The following ASTN2 variants were observed in gnomAD, a reference collection of about 807,000 sequenced individuals.
The protein encoded by ASTN2 is astrotactin-2.
A neutral mutation model predicts 139.8 loss-of-function variants in ASTN2; 54 were observed. The ratio of observed to expected loss-of-function variants is 0.39; its 90% CI spans 0.31 to 0.48. ASTN2 has a LOEUF of 0.48. Among genes scored for constraint, ASTN2 ranks in the 20% least tolerant of loss-of-function variants. ASTN2 has a pLI of 0.95. For missense variants in ASTN2, 1,565 were observed against 1,725.1 expected (o/e 0.91, Z 1.64); for synonymous variants, 756 against 719.5 (o/e 1.05, Z -0.81).
At chr9:116,968,022 C>A (rs1422140369) in intron 10 of ASTN2, among the ~76,000 whole-genome samples, 1 of 152,218 alleles carries the variant, frequency 6.6e-6, no homozygotes, top group African/African-American at 2.4e-5. Context: ...TCTAAAACTT[C>A]TCATTCATTG....
chr9:116,509,205 G>T (rs1850251959), intron 19 of ASTN2, among the ~76,000 whole-genome samples: 1 of 152,056 alleles, frequency 6.6e-6, no homozygotes, highest in Non-Finnish European at 1.5e-5. Context: ...TCCCCATCCT[G>T]TGCCCAAGTG....
At chr9:117,048,626 G>T (rs1304309970) in intron 5 of ASTN2, among the ~76,000 whole-genome samples, 3 of 152,192 alleles carry the variant, frequency 2.0e-5, no homozygotes, top group Non-Finnish European at 4.4e-5. Flanking sequence ...TCACTACAAG[G>T]TGTTGACAAT....
At chr9:116,652,061 G>A (rs1345150987) in intron 16 of ASTN2, among the ~76,000 whole-genome samples, 1 of 151,986 alleles carries the variant, frequency 6.6e-6, no homozygotes, top group African/African-American at 2.4e-5. Flanking sequence ...TTGGGGCCAG[G>A]CACAATAATC....
intron 20 of ASTN2, among the ~76,000 whole-genome samples, chr9:116,473,857 G>A (rs909197933): frequency 5.3e-5 from 8 of 151,162 alleles, no homozygotes; most frequent in African/African-American, 1.9e-4. Flanking sequence ...GGCTGAGATC[G>A]CACCACTGCA....
intron 6 of ASTN2, among the ~76,000 whole-genome samples, chr9:117,016,667 ATGTTACATATATATAGGT>A (rs1483679117): frequency 3.8e-5 from 5 of 132,358 alleles, no homozygotes; most frequent in African/African-American, 1.5e-4. Flanking sequence ...ACCTATATAT[ATGTTACATATATATAGGT>A]TATATATATA....
chr9:117,298,800 G>C (rs947197382), intron 1 of ASTN2, among the ~76,000 whole-genome samples: 1 of 151,150 alleles, frequency 6.6e-6, no homozygotes, highest in Non-Finnish European at 1.5e-5. Context: ...GCAGGGACAT[G>C]TCAGAATTAT....
chr9:116,975,090 G>A, intron 10 of ASTN2, 118 bp downstream of exon 10: 1 of 1,077,398 alleles, frequency 9.3e-7, no homozygotes, highest in South Asian at 2.8e-5. Context: ...ATTTGACAGT[G>A]TTCTTCACAT....
intron 10 of ASTN2, among the ~76,000 whole-genome samples, chr9:116,889,841 G>A (rs1277685542): frequency 6.6e-6 from 1 of 151,994 alleles, no homozygotes; most frequent in East Asian, 1.9e-4. Context: ...TGGGGTAGGA[G>A]GATCACTTGA....
intron 2 of ASTN2, among the ~76,000 whole-genome samples, chr9:117,252,938 A>ATGT (rs34440437): frequency 0.3 from 45,820 of 151,852 alleles, 7,040 homozygotes; most frequent in South Asian, 0.36. Context: ...ACTATGTTAT[A>ATGT]TGTTGTTGTT....
intron 13 of ASTN2, among the ~76,000 whole-genome samples, chr9:116,737,052 A>G (rs979998804): frequency 5.3e-5 from 8 of 152,280 alleles, no homozygotes; most frequent in Admixed American, 2.0e-4. Context: ...AGAAATGCAG[A>G]AAGACAGAGA....
At chr9:116,798,342 G>A (rs1830754888) in intron 13 of ASTN2, among the ~76,000 whole-genome samples, 1 of 152,220 alleles carries the variant, frequency 6.6e-6, no homozygotes, top group Admixed American at 6.5e-5. Context: ...TATAAATTTT[G>A]TGGTTCTTCA....
In ASTN2 at chr9:117,039,865, G is replaced by A; in HGVS notation, c.1377C>T (p.Leu459=). The A allele has an allele frequency of 6.2e-7, 1 of 1,613,764 alleles. No individual in the cohort carries two copies. The highest frequency in any genetic ancestry group is 8.5e-7 in the Non-Finnish European group (1 of 1,179,848). ...GCACATGCAGAGTCACCTTCACAGT[G>A]AGTGGACAAGACATCTGGCTGCCAC... The part of the protein sequence containing the change: ...MVCGSQMSCP[L]TVKVTLHVPE... Residue 459 remains leucine, a synonymous_variant, in exon 6 of 23, where the codon CTC becomes CTT. Transcript: ENST00000313400.
chr9:117,104,320 A>C (rs888586835), intron 4 of ASTN2, among the ~76,000 whole-genome samples: 4 of 152,202 alleles, frequency 2.6e-5, no homozygotes, highest in Admixed American at 6.5e-5. Context: ...GACCATTGAA[A>C]ACAGTGACAT....
At chr9:116,621,681 C>A (rs773508473) in intron 17 of ASTN2, among the ~76,000 whole-genome samples, 30 of 152,190 alleles carry the variant, frequency 2.0e-4, no homozygotes, top group Non-Finnish European at 4.0e-4. Context: ...GGGCAAGGGC[C>A]AGGCCTTATT....
intron 17 of ASTN2, among the ~76,000 whole-genome samples, chr9:116,649,196 CTG>C (rs1313315474): frequency 1.3e-5 from 2 of 152,078 alleles, no homozygotes; most frequent in East Asian, 3.9e-4. Flanking sequence ...TTTATTGCAT[CTG>C]TATTTATTCC....
intron 2 of ASTN2, among the ~76,000 whole-genome samples, chr9:117,227,820 C>T (rs915132440): frequency 1.7e-4 from 26 of 152,094 alleles, no homozygotes; most frequent in Admixed American, 1.6e-3. Context: ...TTTATAAATA[C>T]TTAGGGAGAT....
At chr9:117,217,549 T>G (rs1483532714) in intron 2 of ASTN2, among the ~76,000 whole-genome samples, 4 of 152,212 alleles carry the variant, frequency 2.6e-5, no homozygotes, top group African/African-American at 9.6e-5. Flanking sequence ...GGCATCAGAC[T>G]GACATGATTT....
At chr9:116,838,761 T>C (rs1832098880) in intron 11 of ASTN2, among the ~76,000 whole-genome samples, 1 of 152,070 alleles carries the variant, frequency 6.6e-6, no homozygotes, top group Admixed American at 6.6e-5. Context: ...GCTGAGAGCC[T>C]TCAGATGAGA....
At chr9:116,690,436 C>T (rs1312383880) in intron 16 of ASTN2, among the ~76,000 whole-genome samples, 1 of 152,190 alleles carries the variant, frequency 6.6e-6, no homozygotes. Flanking sequence ...TTTTCCAACC[C>T]TTCAGAGCCC....
Sources: gnomAD v4.1 joint callset for allele counts (sites outside exome capture counted in the v4.1 genomes callset) on GRCh38, gnomAD v4.1.1 for gene constraint, MANE v1.5 for transcripts, NCBI Gene and HGNC (gene_info 2026-07-23, HGNC 2026-07-21) for gene names.